CLNK: variants seen among roughly 807,000 people sequenced by gnomAD.
The protein encoded by CLNK is cytokine-dependent hematopoietic cell linker.
In CLNK, 74 loss-of-function variants were observed where a neutral mutation model predicts 68.6. The observed-to-expected ratio is 1.08, with a 90% CI of 0.89 to 1.31. The LOEUF is 1.31. Ranked by LOEUF, CLNK falls within the 50% of genes most tolerant of loss-of-function variation. The pLI, the probability that CLNK is intolerant of heterozygous loss-of-function variation, is 0.00. For missense variants in CLNK, 553 were observed against 515.3 expected (o/e 1.07, Z -0.71); for synonymous variants, 198 against 172.2 (o/e 1.15, Z -1.17).
chr4:10,566,171 C>T, intron 5 of CLNK, 21 bp from the exon 6 acceptor site: 1 of 1,612,430 alleles, frequency 6.2e-7, no homozygotes, highest in Non-Finnish European at 8.5e-7. Flanking sequence ...GGTAACATTC[C>T]AGTGAGTCAA....
At chr4:10,608,189 G>A (rs1209893780) in intron 2 of CLNK, among the ~76,000 whole-genome samples, 3 of 152,146 alleles carry the variant, frequency 2.0e-5, no homozygotes, top group Non-Finnish European at 2.9e-5. Context: ...TCCACTCAAA[G>A]ATCTTTTACA....
the CLNK span, among the ~76,000 whole-genome samples, chr4:10,731,299 G>C: frequency 6.6e-6 from 1 of 152,180 alleles, no homozygotes; most frequent in African/African-American, 2.4e-5. Context: ...TGAACTATCA[G>C]ATATTCTTTT....
intron 2 of CLNK, among the ~76,000 whole-genome samples, chr4:10,621,090 C>T (rs1039755309): frequency 2.6e-5 from 4 of 152,088 alleles, no homozygotes; most frequent in East Asian, 1.9e-4. Context: ...AGCGAGACTC[C>T]GTCTCGAAAA....
chr4:10,557,735 C>A (rs530014253), intron 8 of CLNK, among the ~76,000 whole-genome samples: 2 of 152,122 alleles, frequency 1.3e-5, no homozygotes, highest in Admixed American at 6.5e-5. Context: ...GAAAAGATGG[C>A]GCTAGTAATA....
chr4:10,593,268 A>G (rs1721251560), intron 3 of CLNK, among the ~76,000 whole-genome samples: 1 of 152,138 alleles, frequency 6.6e-6, no homozygotes, highest in Non-Finnish European at 1.5e-5. Flanking sequence ...AGACCAGAGC[A>G]GTCAGGAGAG....
intron 2 of CLNK, among the ~76,000 whole-genome samples, chr4:10,622,905 G>C (rs1273642760): frequency 6.6e-6 from 1 of 152,022 alleles, no homozygotes; most frequent in South Asian, 2.1e-4. Context: ...GGTAGAGAGA[G>C]GGAGCTCTGG....
intron 2 of CLNK, among the ~76,000 whole-genome samples, chr4:10,634,837 A>AAT (rs914411525): frequency 1.3e-5 from 2 of 151,142 alleles, no homozygotes; most frequent in Admixed American, 6.6e-5. Context: ...GCTGGAAAAA[A>AAT]AATCTTTGGT....
chr4:10,604,569 C>T lies in CLNK; in HGVS notation c.12-6520G>A, dbSNP rs530064601. On this transcript the variant is annotated intron_variant, in intron 2 of 18. Coordinates refer to ENST00000226951, the MANE Select transcript of CLNK (RefSeq NM_052964.4). ...GGAAAAAGTAAAGGGCACAAAAAGG[C>T]TTCTTGTCACAGCTTTTTTTTTTTT... Among the ~76,000 whole-genome samples, 60 of 151,326 alleles carry T rather than the reference C, an allele frequency of 4.0e-4. No homozygotes were observed. The Middle Eastern group carries it at 0.014, about 34-fold the overall frequency.
chr4:10,510,969 G>A (rs1195850448), intron 16 of CLNK, among the ~76,000 whole-genome samples: 6 of 152,124 alleles, frequency 3.9e-5, no homozygotes, highest in Admixed American at 3.9e-4. Flanking sequence ...CCTGGCCAAC[G>A]TGGTGAAACC....
chr4:10,685,310 C>G (rs34445696), upstream of CLNK, among the ~76,000 whole-genome samples: 6,055 of 151,960 alleles, frequency 0.04, 167 homozygotes, highest in Middle Eastern at 0.078. Context: ...ATTTTAGAAA[C>G]TTTTTTAAAA....
rs76447803 is a variant in CLNK, at chr4:10,597,581, T to A, written c.83+397A>T. ...ACAAAGGAAATAACAGTGTAAGCAC[T>A]TGGCTCTCTCTTGTCTGCTTGCTGT... On this transcript the variant is annotated intron_variant, in intron 3 of 18. Coordinates refer to ENST00000226951, the MANE Select transcript of CLNK (RefSeq NM_052964.4). 2.4e-3 allele frequency among the ~76,000 whole-genome samples: 362 copies of A among 152,344 alleles called. 15 individuals are homozygous for A. In the East Asian group the frequency reaches 0.064, roughly 27 times the overall value.
intron 3 of CLNK, among the ~76,000 whole-genome samples, chr4:10,591,556 G>A (rs1560231861): frequency 1.3e-5 from 2 of 152,174 alleles, no homozygotes; most frequent in Admixed American, 6.5e-5. Context: ...CATGCAGAGG[G>A]AAATATACAA....
At chr4:10,583,584 C>G (rs1720866937) in intron 4 of CLNK, among the ~76,000 whole-genome samples, 1 of 152,186 alleles carries the variant, frequency 6.6e-6, no homozygotes, top group Non-Finnish European at 1.5e-5. Context: ...CGTGCCTGGT[C>G]TGGGCTGTTA....
intron 15 of CLNK, among the ~76,000 whole-genome samples, chr4:10,517,621 A>G (rs1488967300): frequency 1.3e-5 from 2 of 152,226 alleles, no homozygotes; most frequent in East Asian, 3.8e-4. Context: ...GAACATACTC[A>G]AGAAGGGAAA....
At chr4:10,626,139 G>C (rs1170942017) in intron 2 of CLNK, among the ~76,000 whole-genome samples, 1 of 152,160 alleles carries the variant, frequency 6.6e-6, no homozygotes, top group Non-Finnish European at 1.5e-5. Context: ...ACTGTGCAGT[G>C]TCCGCCTGCC....
chr4:10,500,280 G>T (rs1037355117), intron 18 of CLNK, among the ~76,000 whole-genome samples: 1 of 151,962 alleles, frequency 6.6e-6, no homozygotes, highest in Non-Finnish European at 1.5e-5. Context: ...TCCCCCTTCC[G>T]TTACTGCCTG....
rs373263726 is a variant in CLNK, at chr4:10,603,555, G to A, written c.12-5506C>T. Among the ~76,000 whole-genome samples, 25 of 152,324 alleles carry A rather than the reference G, an allele frequency of 1.6e-4. No homozygotes were observed. In the East Asian group the frequency reaches 2.1e-3, roughly 13 times the overall value. On this transcript the variant is annotated intron_variant, in intron 2 of 18. Transcript: ENST00000226951. ...CAGACTCTGAGACAGAGATGACCAC[G>A]TAGAAAGTGTTTTAGGGAGTGCTCC... is the stretch of plus-strand genomic sequence containing the variant.
At chr4:10,660,748 C>G (rs1311296848) in intron 2 of CLNK, among the ~76,000 whole-genome samples, 1 of 152,224 alleles carries the variant, frequency 6.6e-6, no homozygotes, top group Non-Finnish European at 1.5e-5. Context: ...TTGACATCCT[C>G]TATTCCCTCA....
Position 10,636,882 on chromosome 4 carries a change from G to C in CLNK, c.11+30977C>G, listed in dbSNP as rs891354627. ...TAAGTCTTCCCAGTTCTTCAGAGTA[G>C]AGCATCTATCATGACAATATATCCC... On this transcript the variant is annotated intron_variant, in intron 2 of 18. Coordinates refer to ENST00000226951, the MANE Select transcript of CLNK (RefSeq NM_052964.4). Among the ~76,000 whole-genome samples the C allele has an allele frequency of 2.0e-5, 3 of 152,144 alleles. No homozygotes were observed. The South Asian group carries it at 6.2e-4, about 31-fold the overall frequency.
Sources: allele counts gnomAD v4.1 joint callset (sites outside exome capture counted in the v4.1 genomes callset), GRCh38; gene constraint gnomAD v4.1.1; transcripts MANE v1.5; gene names NCBI Gene and HGNC (gene_info 2026-07-23, HGNC 2026-07-21).